PTPRU: variants seen among roughly 807,000 people sequenced by gnomAD.
PTPRU encodes the protein receptor-type tyrosine-protein phosphatase U.
In PTPRU, 69 loss-of-function variants were observed where a neutral mutation model predicts 166.3. The observed-to-expected ratio is 0.41, with a 90% confidence interval of 0.34 to 0.51. The LOEUF is 0.51. Among genes scored for constraint, PTPRU ranks in the 20% least tolerant of loss-of-function variants. PTPRU has a pLI of 0.09. For synonymous variants in PTPRU, 793 were observed against 814.0 expected (o/e 0.97, Z 0.44); for missense variants, 1,657 against 2,013.7 (o/e 0.82, Z 3.39).
intron 17 of PTPRU, 113 bp downstream of exon 17, chr1:29,304,962 A>AATAAAAGGTGG: frequency 1.1e-6 from 1 of 930,150 alleles, no homozygotes. Flanking sequence ...AGCATTGGCC[A>AATAAAAGGTGG]CCTTTTATTG....
rs754504692 is a variant in PTPRU at position 29,325,695 on chromosome 1, C to T, written c.*34C>T. ...TGGCCTGGGGCACCCACTGCACACT[C>T]AGGGCCAGACCCACCATCCTGGACT... On this transcript the variant is annotated 3_prime_UTR_variant, in exon 30 of 30. Transcript: ENST00000373779. The T allele has an allele frequency of 2.0e-5, 30 of 1,536,554 alleles. No homozygotes were observed. Among genetic ancestry groups the T allele is most frequent in the Middle Eastern group, 1.7e-4 (1 of 5,810 alleles).
chr1:29,263,373 C>A (rs1171360579), intron 7 of PTPRU, among the ~76,000 whole-genome samples: 2 of 152,138 alleles, frequency 1.3e-5, no homozygotes, highest in Non-Finnish European at 1.5e-5. Flanking sequence ...TAATAATATT[C>A]CATTATACAA....
intron 15 of PTPRU, among the ~76,000 whole-genome samples, chr1:29,296,853 A>C (rs1355801758): frequency 6.6e-6 from 1 of 151,724 alleles, no homozygotes; most frequent in African/African-American, 2.4e-5. Flanking sequence ...GTATATTTAA[A>C]GGACTAAACA....
chr1:29,284,940 G>A, intron 14 of PTPRU, 71 bp downstream of exon 14: 2 of 1,530,978 alleles, frequency 1.3e-6, no homozygotes, highest in South Asian at 1.3e-5. Context: ...CAGAGGAATA[G>A]TGGCTAAGAG....
chr1:29,285,525 G>A (rs903811509), intron 14 of PTPRU, among the ~76,000 whole-genome samples: 1 of 152,178 alleles, frequency 6.6e-6, no homozygotes, highest in African/African-American at 2.4e-5. Context: ...TATATCCCAG[G>A]ACATTGTGGA....
At chr1:29,255,544 A>G (rs1353614242) in intron 2 of PTPRU, 138 bp downstream of exon 2, 77 of 1,296,712 alleles carry the variant, frequency 5.9e-5, no homozygotes, top group Non-Finnish European at 6.9e-5. Flanking sequence ...CATACGTGAC[A>G]CTGAATGTGG....
At chr1:29,288,323 A>C (rs2151956371) in intron 14 of PTPRU, among the ~76,000 whole-genome samples, 1 of 152,310 alleles carries the variant, frequency 6.6e-6, no homozygotes, top group East Asian at 1.9e-4. Context: ...CTGGCATGAA[A>C]TTAGAAAAAG....
rs1403776241 is a variant in PTPRU at position 29,259,944 on chromosome 1, G to C, written c.750G>C (p.Pro250=). 6.5e-6 allele frequency: 10 copies of C among 1,537,564 alleles called. No individual in the cohort carries two copies. In the East Asian group the frequency reaches 2.4e-4, roughly 37 times the overall value. ...ISHRRFLATF[P]LAAVSRAEQD... is the part of the protein sequence containing the mutation. Reference sequence around the variant, plus strand: ...ACCGGCGCTTCCTGGCCACTTTCCCGCTGGCTGCCGTGAGCCGCGCCGAGC... The same window carrying C: ...ACCGGCGCTTCCTGGCCACTTTCCCCCTGGCTGCCGTGAGCCGCGCCGAGC... The change falls in exon 6 of 30, where the codon CCG becomes CCC. Residue 250 remains proline (P), a synonymous_variant. Coordinates refer to ENST00000373779, the MANE Select transcript of PTPRU (RefSeq NM_133178.4).
intron 7 of PTPRU, among the ~76,000 whole-genome samples, chr1:29,262,016 CTT>C (rs1229196046): frequency 6.6e-6 from 1 of 152,176 alleles, no homozygotes; most frequent in African/African-American, 2.4e-5. Flanking sequence ...CTTATTCAGA[CTT>C]TTCTGGTTTT....
Position 29,311,695 on chromosome 1 carries a change from A to G in PTPRU, c.3008A>G (p.Lys1003Arg). The part of the protein sequence containing the change: ...PEDSDTYGDI[K>R]IMLVKTETLA... ...GACTCAGACACCTACGGGGACATCA[A>G]GATTATGCTGGTGAAGACAGAGACC... Residue 1003 changes from lysine (K) to arginine (R), a missense_variant, in exon 21 of 30, where the codon AAG (lysine) becomes AGG (arginine). Lys to Arg is a conservative substitution (Grantham distance 26). Transcript: ENST00000373779. The surrounding 1 kb of genome is among the most constrained non-coding windows in gnomAD (Gnocchi z 4.1). 6.2e-7 allele frequency: 1 copy of G among 1,614,218 alleles called. No homozygotes were observed. The highest frequency in any genetic ancestry group is 8.5e-7 in the Non-Finnish European group (1 of 1,180,040).
intron 1 of PTPRU, among the ~76,000 whole-genome samples, chr1:29,246,142 G>A (rs1421115704): frequency 6.6e-6 from 1 of 152,234 alleles, no homozygotes; most frequent in Non-Finnish European, 1.5e-5. Context: ...AGTGCACTTT[G>A]CCCCATATAG....
In PTPRU at chr1:29,279,556, C is replaced by G; in HGVS notation, c.1664C>G (p.Ser555Cys). The stretch of plus-strand genomic sequence containing the variant: ...CGCAATGAGACCTACCATGTCTTCT[C>G]CAACCTGCACCCAGGCACCACCTAC... ...KLRNETYHVFSNLHPGTTYLF... is the reference protein window; with the variant it reads ...KLRNETYHVFCNLHPGTTYLF... Residue 555 changes from serine (S) to cysteine (C), a missense_variant, in exon 10 of 30, where the codon TCC becomes TGC. Physicochemically the swap from Ser to Cys is moderately radical, Grantham distance 112. This residue lies in a region of PTPRU where 1,190 missense variants were observed against 1,477.4 expected (regional missense o/e 0.81). Transcript: ENST00000373779. The surrounding 1 kb of genome is among the most constrained non-coding windows in gnomAD (Gnocchi z 5.2). The G allele has an allele frequency of 6.2e-7, 1 of 1,614,204 alleles. No individual in the cohort carries two copies. Among genetic ancestry groups the G allele is most frequent in the East Asian group, 2.2e-5 (1 of 44,882 alleles).
chr1:29,325,562 C>T (rs1204562766), intron 29 of PTPRU, 37 bp from the exon 30 acceptor site: 1 of 1,582,466 alleles, frequency 6.3e-7, no homozygotes, highest in Non-Finnish European at 8.7e-7. Context: ...GAGTTGGGGT[C>T]AGGCTCATGA....
intron 1 of PTPRU, among the ~76,000 whole-genome samples, chr1:29,255,026 G>A (rs951297403): frequency 6.6e-6 from 1 of 152,166 alleles, no homozygotes; most frequent in East Asian, 1.9e-4. Flanking sequence ...TGGTGGTTGG[G>A]GGGTCCTGGG....
intron 15 of PTPRU, among the ~76,000 whole-genome samples, chr1:29,302,978 C>T (rs770627238): frequency 3.3e-5 from 5 of 152,160 alleles, no homozygotes; most frequent in African/African-American, 7.2e-5. Flanking sequence ...TAGGCTATGC[C>T]GTGCAGCCCA....
chr1:29,289,666 T>C, intron 14 of PTPRU: 1 of 1,613,996 alleles, frequency 6.2e-7, no homozygotes, highest in Non-Finnish European at 8.5e-7. Context: ...TGCTGTTCTC[T>C]CTTTGCACGC....
Position 29,237,101 on chromosome 1 carries a change from G to A in PTPRU, c.73+384G>A, listed in dbSNP as rs186365254. 1.4e-3 allele frequency among the ~76,000 whole-genome samples: 206 copies of A among 152,254 alleles called. No individual in the cohort carries two copies. Among genetic ancestry groups the A allele is most frequent in the Non-Finnish European group, 2.5e-4 (17 of 68,026 alleles). The stretch of plus-strand genomic sequence containing the variant: ...ATCTGCTAATGTGTTGCATTTGTTT[G>A]CATTTTGTATGCCTGGCCGGGAGTG... On this transcript the variant is annotated intron_variant, in intron 1 of 29. Coordinates refer to ENST00000373779, the MANE Select transcript of PTPRU (RefSeq NM_133178.4). This position sits in a 1 kb window ranked among gnomAD's most constrained non-coding sequence, Gnocchi z 6.4.
At chr1:29,307,215 A>G (rs1020694425) in intron 18 of PTPRU, 57 of 1,543,818 alleles carry the variant, frequency 3.7e-5, no homozygotes, top group Non-Finnish European at 4.6e-5. Context: ...TGTATCTCAG[A>G]CTCTCTCACG....
At chr1:29,240,123 T>C (rs1397796792) in intron 1 of PTPRU, among the ~76,000 whole-genome samples, 1 of 152,132 alleles carries the variant, frequency 6.6e-6, no homozygotes, top group African/African-American at 2.4e-5. Flanking sequence ...ACTTTCTAAC[T>C]CCAGCTTTTT....
Sources: allele counts gnomAD v4.1 joint callset (sites outside exome capture counted in the v4.1 genomes callset), GRCh38; gene constraint gnomAD v4.1.1; regional missense constraint gnomAD v4.1.1; non-coding constraint Gnocchi (gnomAD v3.1); transcripts MANE v1.5; gene names NCBI Gene and HGNC (gene_info 2026-07-23, HGNC 2026-07-21).